UBE3D: variants seen among roughly 807,000 people sequenced by gnomAD.
The protein encoded by UBE3D is ubiquitin protein ligase E3D.
Under a neutral mutation model 49.6 loss-of-function variants are expected in UBE3D, and 48 were observed. The observed-to-expected ratio is 0.97, with a 90% CI of 0.77 to 1.23. The LOEUF (loss-of-function observed/expected upper bound fraction) is 1.23. Among genes scored for constraint, UBE3D ranks in the 50% most tolerant of loss-of-function variants. The pLI, the probability that UBE3D is intolerant of heterozygous loss-of-function variation, is 0.00. For synonymous variants in UBE3D, 189 were observed against 174.2 expected (o/e 1.08, Z -0.67); for missense variants, 452 against 468.4 (o/e 0.96, Z 0.32).
chr6:82,987,546 T>C (rs1778606587), intron 8 of UBE3D, among the ~76,000 whole-genome samples: 1 of 152,244 alleles, frequency 6.6e-6, no homozygotes, highest in African/African-American at 2.4e-5. Flanking sequence ...AAAATATTTC[T>C]TGTAGCAATA....
At position 82,896,441 on chromosome 6, in the gene UBE3D, G is replaced by A. The variant is rs1214087058; in HGVS notation, c.1150-3399C>T. On this transcript the variant is annotated intron_variant, in intron 9 of 9. Coordinates refer to ENST00000369747, the MANE Select transcript of UBE3D (RefSeq NM_198920.3). ...AAAACAAAAGACAACCTTTCCTCTC[G>A]GTTATAAGATCTGATTTAGTTCTGT... 3.3e-5 allele frequency among the ~76,000 whole-genome samples: 5 copies of A among 151,978 alleles called. No individual in the cohort carries two copies. The East Asian group carries it at 9.6e-4, about 29-fold the overall frequency.
At chr6:82,983,383 ACTACATGCTACATCCTGAGAT>A (rs1399611917) in intron 8 of UBE3D, among the ~76,000 whole-genome samples, 2 of 151,480 alleles carry the variant, frequency 1.3e-5, no homozygotes, top group Non-Finnish European at 2.9e-5. Flanking sequence ...CTCTTGTAAT[ACTACATGCTACATCCTGAGAT>A]CTACCCACTT....
At chr6:82,908,527 C>A (rs923064500) in intron 9 of UBE3D, among the ~76,000 whole-genome samples, 44 of 152,128 alleles carry the variant, frequency 2.9e-4, no homozygotes, top group Admixed American at 1.5e-3. Flanking sequence ...ACCTCTAGAG[C>A]TACTGAAATA....
At chr6:82,987,992 T>C (rs1041594140) in intron 8 of UBE3D, among the ~76,000 whole-genome samples, 6 of 152,228 alleles carry the variant, frequency 3.9e-5, no homozygotes, top group Non-Finnish European at 8.8e-5. Context: ...ATACCATTTA[T>C]ATGTTGTTTA....
intron 8 of UBE3D, among the ~76,000 whole-genome samples, chr6:82,982,024 T>A (rs373743946): frequency 7.9e-5 from 12 of 152,280 alleles, no homozygotes; most frequent in African/African-American, 2.9e-4. Context: ...AAACTGCCCC[T>A]GTTTCTCATG....
chr6:83,047,166 T>A (rs1385134882), intron 3 of UBE3D, among the ~76,000 whole-genome samples: 2 of 152,224 alleles, frequency 1.3e-5, no homozygotes, highest in African/African-American at 4.8e-5. Context: ...TTTCCCTTGC[T>A]GCTTGAGAAT....
At chr6:82,902,325 A>G (rs1208117045) in intron 9 of UBE3D, among the ~76,000 whole-genome samples, 1 of 152,250 alleles carries the variant, frequency 6.6e-6, no homozygotes, top group Admixed American at 6.5e-5. Flanking sequence ...TTATGTTCAC[A>G]TAATAATCTG....
At chr6:82,933,604 A>G (rs1225683889) in intron 9 of UBE3D, among the ~76,000 whole-genome samples, 1 of 152,218 alleles carries the variant, frequency 6.6e-6, no homozygotes, top group Admixed American at 6.5e-5. Flanking sequence ...TGTGATACCA[A>G]TTACATTAAC....
At position 82,964,443 on chromosome 6, in the gene UBE3D, T is replaced by C. The variant is rs1049899005; in HGVS notation, c.1011-6993A>G. ...ATTGTGTAGAGAAGAAAAAATGGTA[T>C]GTATGAGAGAGCTCAAGATGAAAAT... On this transcript the variant is annotated intron_variant, in intron 8 of 9. Transcript: ENST00000369747. Among the ~76,000 whole-genome samples the C allele has an allele frequency of 2.0e-5, 3 of 152,194 alleles. No individual in the cohort carries two copies. In the South Asian group the frequency reaches 6.2e-4, roughly 31 times the overall value.
intron 3 of UBE3D, among the ~76,000 whole-genome samples, chr6:83,053,416 A>G (rs893206350): frequency 1.3e-5 from 2 of 152,198 alleles, no homozygotes; most frequent in African/African-American, 2.4e-5. Context: ...TATTAACAAT[A>G]ATTAGGATTT....
chr6:83,038,664 G>C (rs1268850541), intron 4 of UBE3D, among the ~76,000 whole-genome samples, 179 bp from the exon 5 acceptor site: 1 of 152,148 alleles, frequency 6.6e-6, no homozygotes, highest in Non-Finnish European at 1.5e-5. Context: ...AATTTTTCAA[G>C]TCTTAAGAAA....
chr6:83,028,621 G>T (rs1034118706), intron 5 of UBE3D, among the ~76,000 whole-genome samples: 3 of 152,172 alleles, frequency 2.0e-5, no homozygotes, highest in African/African-American at 7.2e-5. Context: ...TGGGCAAACT[G>T]CAAAGAAAAT....
intron 8 of UBE3D, among the ~76,000 whole-genome samples, chr6:82,960,648 T>C (rs1194658290): frequency 1.3e-5 from 2 of 151,812 alleles, no homozygotes; most frequent in Non-Finnish European, 2.9e-5. Context: ...AATGCCTTAC[T>C]AGTATTCTTA....
chr6:82,973,420 C>T (rs1469653897), intron 8 of UBE3D, among the ~76,000 whole-genome samples: 1 of 152,100 alleles, frequency 6.6e-6, no homozygotes, highest in Admixed American at 6.5e-5. Context: ...ATCTCCTCCC[C>T]GAAGAGCACC....
At chr6:82,932,886 G>C (rs978342469) in intron 9 of UBE3D, among the ~76,000 whole-genome samples, 1 of 152,018 alleles carries the variant, frequency 6.6e-6, no homozygotes, top group Non-Finnish European at 1.5e-5. Context: ...AGAGCATGGA[G>C]AGAGAGAGGA....
chr6:82,899,396 A>G (rs1263157074), intron 9 of UBE3D, among the ~76,000 whole-genome samples: 1 of 152,204 alleles, frequency 6.6e-6, no homozygotes, highest in Non-Finnish European at 1.5e-5. Context: ...AAAGGTAGAA[A>G]GAAAAAAAGG....
At chr6:82,967,780 T>C (rs756296590) in intron 8 of UBE3D, among the ~76,000 whole-genome samples, 13 of 151,922 alleles carry the variant, frequency 8.6e-5, no homozygotes, top group Non-Finnish European at 1.3e-4. Flanking sequence ...AAGCTGATTC[T>C]AGAGGTGTGC....
chr6:82,883,942 A>G, the UBE3D span, among the ~76,000 whole-genome samples: 1 of 152,196 alleles, frequency 6.6e-6, no homozygotes, highest in African/African-American at 2.4e-5. Context: ...TGCAGGACCA[A>G]GAGAACTTCT....
chr6:82,910,318 A>C (rs1391230624), intron 9 of UBE3D, among the ~76,000 whole-genome samples: 3 of 152,196 alleles, frequency 2.0e-5, no homozygotes, highest in Non-Finnish European at 4.4e-5. Flanking sequence ...GTTTTCAGTA[A>C]ATATTTGTTG....
Sources: gnomAD v4.1 joint callset for allele counts (sites outside exome capture counted in the v4.1 genomes callset) on GRCh38, gnomAD v4.1.1 for gene constraint, MANE v1.5 for transcripts, NCBI Gene and HGNC (gene_info 2026-07-23, HGNC 2026-07-21) for gene names.